CATSPERB: variants seen among roughly 807,000 people sequenced by gnomAD.
The protein encoded by CATSPERB is catsper channel auxiliary subunit beta.
CATSPERB carries 93 observed loss-of-function variants against 128.3 expected under a neutral mutation model. The ratio of observed to expected loss-of-function variants is 0.72; its 90% CI spans 0.61 to 0.86. CATSPERB has a LOEUF of 0.86. Ranked by LOEUF, CATSPERB falls within the 40% of genes least tolerant of loss-of-function variation. The probability of loss-of-function intolerance (pLI) is 0.00; values close to 1 mark genes in which losing one functional copy is unlikely to be tolerated. For synonymous variants in CATSPERB, 381 were observed against 448.8 expected, an observed-to-expected ratio of 0.85 and a Z score of 1.91; for missense variants, 1,153 against 1,329.5, an observed-to-expected ratio of 0.87 and a Z score of 2.06.
intron 17 of CATSPERB, among the ~76,000 whole-genome samples, chr14:91,628,017 T>C (rs1251534065): frequency 6.6e-6 from 1 of 152,168 alleles, no homozygotes; most frequent in Non-Finnish European, 1.5e-5. Context: ...TCTAGAGTTA[T>C]CTTCAGTGAT....
At chr14:91,616,650 A>T (rs1893940067) in intron 20 of CATSPERB, among the ~76,000 whole-genome samples, 1 of 151,884 alleles carries the variant, frequency 6.6e-6, no homozygotes, top group Non-Finnish European at 1.5e-5. Context: ...TAAGTCTATC[A>T]TACTAAGTAC....
At chr14:91,659,155 C>T (rs1894834042) in intron 15 of CATSPERB, among the ~76,000 whole-genome samples, 1 of 152,000 alleles carries the variant, frequency 6.6e-6, no homozygotes, top group Non-Finnish European at 1.5e-5. Flanking sequence ...TTTAAAATAG[C>T]TAGGAGGAGG....
intron 12 of CATSPERB, among the ~76,000 whole-genome samples, chr14:91,673,881 C>CAAAA (rs139506642): frequency 7.3e-6 from 1 of 136,448 alleles, no homozygotes; most frequent in African/African-American, 2.8e-5. Flanking sequence ...GACTCTGTCT[C>CAAAA]AAAAAAAAAA....
chr14:91,608,245 T>C, intron 22 of CATSPERB, 49 bp downstream of exon 22: 3 of 1,147,362 alleles, frequency 2.6e-6, no homozygotes, highest in Non-Finnish European at 3.9e-6. Flanking sequence ...TACTGAATGA[T>C]TTCCTGAATT....
chr14:91,650,042 T>G (rs1355464921), intron 15 of CATSPERB, among the ~76,000 whole-genome samples: 1 of 152,222 alleles, frequency 6.6e-6, no homozygotes, highest in Non-Finnish European at 1.5e-5. Flanking sequence ...ATGTTTCACA[T>G]GTTAACAGCT....
rs1895125199 is a variant in CATSPERB, at chr14:91,672,968, A to T, written c.1027T>A (p.Cys343Ser). Reference sequence around the variant, plus strand: ...ATTCCTTTAAAAATGTGAGGTAAGCAGGGTACCCATTCAAGAAATGGTTCC... The same window carrying T: ...ATTCCTTTAAAAATGTGAGGTAAGCTGGGTACCCATTCAAGAAATGGTTCC... ...SQEPFLEWVP[C>S]LPHIFKGIKI... is the part of the protein sequence containing the mutation. The change falls in exon 13 of 27, where the codon TGC becomes AGC. Residue 343 changes from cysteine to serine, a missense_variant. By Grantham distance (112) the Cys-to-Ser change is moderately radical. Transcript: ENST00000256343. 5 of 1,592,622 alleles carry T rather than the reference A, an allele frequency of 3.1e-6. No individual in the cohort carries two copies. The highest frequency in any genetic ancestry group is 1.9e-5 in the Admixed American group (1 of 52,394).
intron 15 of CATSPERB, among the ~76,000 whole-genome samples, chr14:91,654,121 A>G (rs1161836359): frequency 6.6e-6 from 1 of 152,192 alleles, no homozygotes; most frequent in Admixed American, 6.5e-5. Context: ...AGGGAAGATT[A>G]GAAAAAGAGG....
At chr14:91,728,881 T>C (rs1896163435) in intron 2 of CATSPERB, among the ~76,000 whole-genome samples, 1 of 152,246 alleles carries the variant, frequency 6.6e-6, no homozygotes, top group Admixed American at 6.5e-5. Flanking sequence ...CATTGCCCTA[T>C]TCACAGTTAT....
chr14:91,630,728 C>T (rs1002131567), intron 17 of CATSPERB, among the ~76,000 whole-genome samples: 1 of 152,218 alleles, frequency 6.6e-6, no homozygotes, highest in African/African-American at 2.4e-5. Flanking sequence ...TACTCACACC[C>T]TGTCCCACAC....
Position 91,729,467 on chromosome 14 carries a change from G to C in CATSPERB, c.13C>G (p.Leu5Val), listed in dbSNP as rs994863606. 1.3e-6 allele frequency: 2 copies of C among 1,526,918 alleles called. No individual in the cohort carries two copies. The highest frequency in any genetic ancestry group is 3.6e-5 in the Admixed American group (2 of 56,310). 94.6% of individuals were successfully genotyped at this position (1,526,918 alleles called of 1,614,324 possible). A position where few individuals can be genotyped will look rare whatever the true frequency, so the allele number is the denominator to read the frequency against. MESP[L>V]IYVSVLLLNI... Reference sequence around the variant, plus strand: ...AAAAGCAAAACTGAAACATATATAAGTGGCGATTCCATCTGTTGGAATAAA... The same window carrying C: ...AAAAGCAAAACTGAAACATATATAACTGGCGATTCCATCTGTTGGAATAAA... Residue 5 changes from leucine to valine, a missense_variant, in exon 2 of 27, where the codon CTT becomes GTT. Leu to Val is a conservative substitution (Grantham distance 32). Transcript: ENST00000256343.
In CATSPERB at chr14:91,718,143, G is replaced by A. The variant is rs1249211107; in HGVS notation, c.370+1275C>T. On this transcript the variant is annotated intron_variant, in intron 5 of 26. Coordinates refer to ENST00000256343, the MANE Select transcript of CATSPERB (RefSeq NM_024764.4). ...ATGTCAATATTATGCAAAGCTTCTGGAATAACACTCCATCATTATATTAAT... is the reference window on the plus strand; with the variant it reads ...ATGTCAATATTATGCAAAGCTTCTGAAATAACACTCCATCATTATATTAAT... 3.3e-5 allele frequency among the ~76,000 whole-genome samples: 5 copies of A among 152,090 alleles called. No homozygotes were observed. In the East Asian group the frequency reaches 9.6e-4, roughly 29 times the overall value.
At chr14:91,636,845 GT>G (rs1272247492) in intron 16 of CATSPERB, among the ~76,000 whole-genome samples, 1 of 152,178 alleles carries the variant, frequency 6.6e-6, no homozygotes, top group Non-Finnish European at 1.5e-5. Flanking sequence ...GAGTGAAAGG[GT>G]ACATGGAAAC....
intron 11 of CATSPERB, 106 bp downstream of exon 11, chr14:91,683,771 A>G: frequency 2.9e-6 from 2 of 687,372 alleles, no homozygotes; most frequent in South Asian, 4.5e-5. Flanking sequence ...TCCCCAGCCT[A>G]AAGTTTGGAA....
intron 10 of CATSPERB, among the ~76,000 whole-genome samples, chr14:91,689,553 C>A (rs534078874): frequency 3.9e-5 from 6 of 152,168 alleles, no homozygotes; most frequent in Admixed American, 1.3e-4. Context: ...TATATATTAT[C>A]TTTTCTTCAG....
chr14:91,699,686 G>A (rs1479400524), intron 7 of CATSPERB, among the ~76,000 whole-genome samples: 2 of 150,970 alleles, frequency 1.3e-5, no homozygotes, highest in Admixed American at 6.6e-5. Context: ...AGATTCTCCT[G>A]CCTCAGCCTC....
chr14:91,696,197 T>C (rs61988226), intron 7 of CATSPERB, among the ~76,000 whole-genome samples: 66,256 of 152,148 alleles, frequency 0.44, 14,700 homozygotes, highest in East Asian at 0.62. Context: ...TTAAGTCTTC[T>C]GGAGGGAGAA....
intron 22 of CATSPERB, among the ~76,000 whole-genome samples, chr14:91,605,770 C>T (rs1179110067): frequency 6.6e-6 from 1 of 152,172 alleles, no homozygotes; most frequent in African/African-American, 2.4e-5. Flanking sequence ...TGGTTAACCC[C>T]TATCCATCTT....
At chr14:91,629,640 T>C (rs906065301) in intron 17 of CATSPERB, among the ~76,000 whole-genome samples, 1 of 152,180 alleles carries the variant, frequency 6.6e-6, no homozygotes, top group African/African-American at 2.4e-5. Flanking sequence ...ATATAGGAAC[T>C]CTATTTTCTG....
intron 1 of CATSPERB, among the ~76,000 whole-genome samples, 190 bp downstream of exon 1, chr14:91,731,740 T>C (rs539836432): frequency 3.3e-5 from 5 of 152,308 alleles, no homozygotes; most frequent in Middle Eastern, 3.4e-3. Flanking sequence ...AATTACTGGA[T>C]ACAAGTCATG....
Sources: gnomAD v4.1 joint callset for allele counts (sites outside exome capture counted in the v4.1 genomes callset) on GRCh38, gnomAD v4.1.1 for gene constraint, MANE v1.5 for transcripts, NCBI Gene and HGNC (gene_info 2026-07-23, HGNC 2026-07-21) for gene names.